Variants in ASAP1 observed in about 807,000 individuals in gnomAD.
ASAP1 encodes the protein ArfGAP with SH3 domain, ankyrin repeat and PH domain 1, also known as arf-GAP with SH3 domain, ANK repeat and PH domain-containing protein 1.
ASAP1 carries 43 observed loss-of-function variants against 145.2 expected under a neutral mutation model. The ratio of observed to expected loss-of-function variants is 0.30; its 90% CI spans 0.23 to 0.38. ASAP1 has a LOEUF of 0.38. Among genes scored for constraint, ASAP1 ranks in the 10% least tolerant of loss-of-function variants. ASAP1 has a pLI of 1.00. For synonymous variants in ASAP1, 546 were observed against 515.5 expected (o/e 1.06, Z -0.80); for missense variants, 1,018 against 1,355.3 (o/e 0.75, Z 3.91).
intron 1 of ASAP1, among the ~76,000 whole-genome samples, chr8:130,428,060 G>A (rs140698505): frequency 1.0e-3 from 152 of 152,064 alleles, no homozygotes; most frequent in Middle Eastern, 3.4e-3. Context: ...CAAAGCACCC[G>A]CCCCACCATT....
intron 16 of ASAP1, among the ~76,000 whole-genome samples, chr8:130,126,872 C>A (rs375688132): frequency 6.6e-6 from 1 of 152,174 alleles, no homozygotes; most frequent in African/African-American, 2.4e-5. Context: ...CTTAAGAATA[C>A]CAGGTTTGCA....
At chr8:130,433,545 T>C (rs1481175066) in intron 1 of ASAP1, among the ~76,000 whole-genome samples, 1 of 152,190 alleles carries the variant, frequency 6.6e-6, no homozygotes, top group African/African-American at 2.4e-5. Flanking sequence ...CAGTTACATA[T>C]CTTTCTCTTC....
In ASAP1 at chr8:130,383,451, A is replaced by G. The variant is rs571815732; in HGVS notation, c.59+18434T>C. Among the ~76,000 whole-genome samples the G allele has an allele frequency of 3.8e-4, 58 of 152,336 alleles. 1 individual carries two copies. The highest frequency in any genetic ancestry group is 1.3e-3 in the African/African-American group (55 of 41,578). On this transcript the variant is annotated intron_variant, in intron 2 of 29. Transcript: ENST00000518721. ...AAATGAGGCCATCTGAGAGGACAGCAGAGCCCAGAGGATCGACTATGAACC... is the reference window on the plus strand; with the variant it reads ...AAATGAGGCCATCTGAGAGGACAGCGGAGCCCAGAGGATCGACTATGAACC...
In ASAP1 at chr8:130,137,042, G is replaced by T; in HGVS notation, c.1081-4C>A. 6.2e-7 allele frequency: 1 copy of T among 1,612,742 alleles called. No individual in the cohort carries two copies. The highest frequency in any genetic ancestry group is 8.5e-7 in the Non-Finnish European group (1 of 1,178,726). On this transcript the variant is annotated splice_polypyrimidine_tract_variant and splice_region_variant and intron_variant, in intron 13 of 29. Coordinates refer to ENST00000518721, the MANE Select transcript of ASAP1 (RefSeq NM_018482.4). ...ACTTGGCTGGTTGCCTGTTAGACTG[G>T]AAAAAAAGAGAAAATGGAGAAGTTA... is the stretch of plus-strand genomic sequence containing the variant.
chr8:130,193,665 C>T (rs989256412), intron 5 of ASAP1, among the ~76,000 whole-genome samples: 10 of 152,038 alleles, frequency 6.6e-5, no homozygotes, highest in African/African-American at 2.2e-4. Flanking sequence ...GCCTCAAATC[C>T]TTTGTGAAAT....
At chr8:130,302,664 G>T (rs769621314) in intron 3 of ASAP1, among the ~76,000 whole-genome samples, 6 of 152,198 alleles carry the variant, frequency 3.9e-5, no homozygotes, top group Non-Finnish European at 7.3e-5. Context: ...CACCAGCTGA[G>T]GGGGAGGGGC....
Position 130,263,623 on chromosome 8 carries a change from A to AT in ASAP1, c.187-26630dup, listed in dbSNP as rs1820074573. Among the ~76,000 whole-genome samples the AT allele has an allele frequency of 2.0e-5, 3 of 152,240 alleles. No individual in the cohort carries two copies. In the South Asian group the frequency reaches 6.2e-4, roughly 32 times the overall value. On this transcript the variant is annotated intron_variant, in intron 3 of 29. Coordinates refer to ENST00000518721, the MANE Select transcript of ASAP1 (RefSeq NM_018482.4). Reference sequence around the variant, plus strand: ...CCTAACTGAAATGGTTCTCTCTGTTATTTTATTTAAGCCTAAAAACCCTAT... The same window carrying AT: ...CCTAACTGAAATGGTTCTCTCTGTTATTTTTATTTAAGCCTAAAAACCCTAT...
At chr8:130,123,563 C>T (rs1480344884) in intron 18 of ASAP1, among the ~76,000 whole-genome samples, 1 of 152,014 alleles carries the variant, frequency 6.6e-6, no homozygotes, top group Non-Finnish European at 1.5e-5. Flanking sequence ...TTCTGCTTTC[C>T]CCTGACAATG....
intron 1 of ASAP1, 57 bp from the exon 2 acceptor site, chr8:130,402,027 A>G: frequency 8.3e-7 from 1 of 1,198,430 alleles, no homozygotes; most frequent in Non-Finnish European, 1.2e-6. Flanking sequence ...ACTGGGCAGA[A>G]GACATTGTCT....
chr8:130,390,179 T>G (rs556842064), intron 2 of ASAP1, among the ~76,000 whole-genome samples: 1 of 152,348 alleles, frequency 6.6e-6, no homozygotes, highest in South Asian at 2.1e-4. Context: ...TTTACCTCTC[T>G]GTCTCACACA....
At chr8:130,368,462 C>A (rs576001559) in intron 2 of ASAP1, among the ~76,000 whole-genome samples, 2 of 152,334 alleles carry the variant, frequency 1.3e-5, no homozygotes, top group East Asian at 3.9e-4. Context: ...AGGAACTACT[C>A]CTCCCTGACT....
rs114591187 is a variant in ASAP1, at chr8:130,338,198, A to T, written c.186+19819T>A. 3.9e-3 allele frequency among the ~76,000 whole-genome samples: 587 copies of T among 152,306 alleles called. 6 individuals are homozygous for T. Among genetic ancestry groups the T allele is most frequent in the African/African-American group, 0.013 (558 of 41,566 alleles). On this transcript the variant is annotated intron_variant, in intron 3 of 29. Coordinates refer to ENST00000518721, the MANE Select transcript of ASAP1 (RefSeq NM_018482.4). ...AATATTACAGTTCAGAAAAAGGTAT[A>T]TATTTATAGGTGATGCTGGCAGCAG...
chr8:130,318,911 C>T (rs1823834306), intron 3 of ASAP1, among the ~76,000 whole-genome samples: 1 of 152,268 alleles, frequency 6.6e-6, no homozygotes, highest in South Asian at 2.1e-4. Flanking sequence ...TGCAACACTG[C>T]CCTACTACAG....
intron 5 of ASAP1, among the ~76,000 whole-genome samples, chr8:130,192,056 C>G (rs1815175569): frequency 6.6e-6 from 1 of 151,976 alleles, no homozygotes; most frequent in Non-Finnish European, 1.5e-5. Context: ...ACAATCACTT[C>G]TTTCTTATTT....
intron 5 of ASAP1, among the ~76,000 whole-genome samples, chr8:130,189,000 AT>A (rs1007802961): frequency 3.3e-5 from 5 of 150,640 alleles, no homozygotes; most frequent in Admixed American, 6.6e-5. Flanking sequence ...CTGTGTTTGG[AT>A]TTTTTTTTGC....
chr8:130,371,344 C>T (rs754058061), intron 2 of ASAP1, among the ~76,000 whole-genome samples: 3 of 152,194 alleles, frequency 2.0e-5, no homozygotes, highest in Non-Finnish European at 4.4e-5. Flanking sequence ...AAGCCCTTTG[C>T]ACTAAACCGC....
chr8:130,195,379 G>GAAAAAAAA, intron 5 of ASAP1: 1 of 75,768 alleles, frequency 1.3e-5, no homozygotes, highest in Admixed American at 1.7e-4. Flanking sequence ...ATCTCTTTAG[G>GAAAAAAAA]AAAAAAAAAA....
chr8:130,403,616 G>A (rs7822957), intron 1 of ASAP1, among the ~76,000 whole-genome samples: 47,425 of 147,796 alleles, frequency 0.32, 8,349 homozygotes, highest in African/African-American at 0.46. Flanking sequence ...GCAGTGGCGC[G>A]ATCTTGGCTC....
intron 27 of ASAP1, among the ~76,000 whole-genome samples, chr8:130,067,114 C>G (rs925103900): frequency 6.6e-6 from 1 of 152,212 alleles, no homozygotes. Context: ...CCAGGATACC[C>G]AGACCTGCAC....
Sources: allele counts gnomAD v4.1 joint callset (sites outside exome capture counted in the v4.1 genomes callset), GRCh38; gene constraint gnomAD v4.1.1; transcripts MANE v1.5; gene names NCBI Gene and HGNC (gene_info 2026-07-23, HGNC 2026-07-21).